IFT140: variants seen among roughly 807,000 people sequenced by gnomAD.
The protein encoded by IFT140 is intraflagellar transport protein 140 homolog.
A neutral mutation model predicts 164.6 loss-of-function variants in IFT140; 133 were observed. That is an observed-to-expected ratio of 0.81 (90% CI 0.70 to 0.93). IFT140 has a LOEUF of 0.93. IFT140 is among the 40% of genes least tolerant of loss of function. The probability of loss-of-function intolerance (pLI) is 0.00; values close to 1 mark genes in which losing one functional copy is unlikely to be tolerated. For missense variants in IFT140, 2,045 were observed against 1,972.3 expected (o/e 1.04, Z -0.70); for synonymous variants, 860 against 817.3 (o/e 1.05, Z -0.89).
chr16:1,553,993 C>G lies in IFT140; in HGVS notation c.2399+3942G>C, dbSNP rs748659287. Reference sequence around the variant, plus strand: ...CTAACTAGACGGGAACAAGCTGCGCCAACCAAGGGTTGCTCACGGCCCACC... The same window carrying G: ...CTAACTAGACGGGAACAAGCTGCGCGAACCAAGGGTTGCTCACGGCCCACC... On this transcript the variant is annotated intron_variant, in intron 19 of 30. Transcript: ENST00000426508. This position sits in a 1 kb window ranked among gnomAD's most constrained non-coding sequence, Gnocchi z 4.4. 3.1e-6 allele frequency: 4 copies of G among 1,287,236 alleles called. No individual in the cohort carries two copies. In the South Asian group the frequency reaches 4.9e-5, roughly 16 times the overall value. 79.7% of individuals were successfully genotyped at this position (1,287,236 alleles called of 1,614,324 possible).
chr16:1,520,779 C>A lies in IFT140; in HGVS notation c.3483G>T (p.Gly1161=). 6.2e-7 allele frequency: 1 copy of A among 1,606,338 alleles called. No homozygotes were observed. Among genetic ancestry groups the A allele is most frequent in the Non-Finnish European group, 8.5e-7 (1 of 1,179,950 alleles). ...KYQEALQLCL[G]QNMSITEEMA... is the part of the protein sequence containing the mutation. Reference sequence around the variant, plus strand: ...TCTCCTCGGTGATGCTCATGTTCTGCCCCAGGCACAGCTGCAGGGCTTCCT... The same window carrying A: ...TCTCCTCGGTGATGCTCATGTTCTGACCCAGGCACAGCTGCAGGGCTTCCT... The change falls in exon 27 of 31, where the codon GGG becomes GGT. Residue 1161 remains glycine, a synonymous_variant. Coordinates refer to ENST00000426508, the MANE Select transcript of IFT140 (RefSeq NM_014714.4).
chr16:1,598,332 C>T (rs2035567869), intron 4 of IFT140, among the ~76,000 whole-genome samples: 1 of 152,072 alleles, frequency 6.6e-6, no homozygotes, highest in Admixed American at 6.5e-5. Context: ...GTGGCGGGCA[C>T]CTGTAGTCCC....
At chr16:1,574,100 T>G (rs756318082) in intron 13 of IFT140, among the ~76,000 whole-genome samples, 12 of 152,114 alleles carry the variant, frequency 7.9e-5, no homozygotes, top group Non-Finnish European at 1.5e-4. Context: ...TCAATGGCAT[T>G]TCCATCAACC....
At chr16:1,611,490 C>CAAA (rs150781872) in intron 1 of IFT140, among the ~76,000 whole-genome samples, 18 of 86,822 alleles carry the variant, frequency 2.1e-4, no homozygotes, top group African/African-American at 7.3e-4. Context: ...CAGAGCGAGT[C>CAAA]AAAAAAAAAA....
At chr16:1,537,453 G>A (rs2031191013) in intron 19 of IFT140, among the ~76,000 whole-genome samples, 1 of 152,264 alleles carries the variant, frequency 6.6e-6, no homozygotes, top group African/African-American at 2.4e-5. Context: ...CCTGAACTCT[G>A]GTCAGGGCAA....
At chr16:1,516,032 C>A (rs1389795335) in intron 30 of IFT140, among the ~76,000 whole-genome samples, 2 of 151,170 alleles carry the variant, frequency 1.3e-5, no homozygotes, top group African/African-American at 4.9e-5. Context: ...CCCAGCTACT[C>A]CGGAGGCTGA....
At chr16:1,585,348 T>C (rs2034811736) in intron 10 of IFT140, among the ~76,000 whole-genome samples, 1 of 152,150 alleles carries the variant, frequency 6.6e-6, no homozygotes, top group African/African-American at 2.4e-5. Flanking sequence ...TCCATTTCCA[T>C]GAAACATCCA....
intron 30 of IFT140, among the ~76,000 whole-genome samples, chr16:1,511,445 A>G (rs2667688): frequency 0.39 from 58,951 of 152,182 alleles, 14,736 homozygotes; most frequent in African/African-American, 0.71. Context: ...AGCTGTGCAC[A>G]GGCCTGCTCA....
At chr16:1,527,703 C>G (rs1286607168) in intron 19 of IFT140, among the ~76,000 whole-genome samples, 1 of 152,226 alleles carries the variant, frequency 6.6e-6, no homozygotes, top group Non-Finnish European at 1.5e-5. Context: ...TCCCAAATAG[C>G]TGGGACCACA....
Position 1,595,079 on chromosome 16 carries a change from A to G in IFT140, c.370-2491T>C, listed in dbSNP as rs186679412. On this transcript the variant is annotated intron_variant, in intron 4 of 30. Transcript: ENST00000426508. ...GGCGGGCGGATCACAAGGTCAGGAG[A>G]TGGAGACCCTCCTGGCTAACACGGT... 3.2e-3 allele frequency among the ~76,000 whole-genome samples: 473 copies of G among 147,662 alleles called. 3 individuals are homozygous for G. Among genetic ancestry groups the G allele is most frequent in the Non-Finnish European group, 5.0e-3 (335 of 66,646 alleles).
At chr16:1,544,235 G>A (rs1046911015) in intron 19 of IFT140, among the ~76,000 whole-genome samples, 2 of 150,156 alleles carry the variant, frequency 1.3e-5, no homozygotes, top group Admixed American at 1.3e-4. Flanking sequence ...CCAGGCTGGA[G>A]TGCCGTGGCA....
At chr16:1,589,498 G>C in intron 7 of IFT140, 107 bp downstream of exon 7, 1 of 1,152,726 alleles carries the variant, frequency 8.7e-7, no homozygotes, top group Non-Finnish European at 1.3e-6. Context: ...TCAGTTGATA[G>C]GCTTTTTTTC....
intron 19 of IFT140, among the ~76,000 whole-genome samples, chr16:1,539,957 C>G (rs771468491): frequency 6.6e-6 from 1 of 152,190 alleles, no homozygotes; most frequent in South Asian, 2.1e-4. Context: ...CAGGCCGGAG[C>G]GGGCACAGTG....
At chr16:1,611,825 A>AAAAG (rs1234645378) in intron 1 of IFT140, 143 bp downstream of exon 1, 1 of 152,098 alleles carries the variant, frequency 6.6e-6, no homozygotes, top group Non-Finnish European at 1.5e-5. Context: ...AAAAAAAAAA[A>AAAAG]AAAGAAAGAA....
At chr16:1,545,632 G>A (rs867447633) in intron 19 of IFT140, among the ~76,000 whole-genome samples, 13 of 152,174 alleles carry the variant, frequency 8.5e-5, no homozygotes, top group African/African-American at 2.7e-4. Flanking sequence ...AGTGAACCTC[G>A]ATCCCAGGGC....
At chr16:1,570,547 A>C (rs910674688) in intron 14 of IFT140, among the ~76,000 whole-genome samples, 15 of 151,564 alleles carry the variant, frequency 9.9e-5, no homozygotes, top group African/African-American at 3.6e-4. Context: ...GCTCATCCCA[A>C]CCCCTGTGGG....
At chr16:1,592,423 G>T in intron 5 of IFT140, 44 bp downstream of exon 5, 1 of 1,611,736 alleles carries the variant, frequency 6.2e-7, no homozygotes, top group Non-Finnish European at 8.5e-7. Context: ...CACCTCCCCC[G>T]ATGTAAACAC....
chr16:1,542,686 C>T (rs1198508004), intron 19 of IFT140, among the ~76,000 whole-genome samples: 1 of 152,262 alleles, frequency 6.6e-6, no homozygotes, highest in Non-Finnish European at 1.5e-5. Context: ...CCTGAGCCGA[C>T]AGTGAGGTGC....
rs2034361643 is a variant in IFT140, at chr16:1,577,958, AG to A, written c.1524+2800del. Reference sequence around the variant, plus strand: ...TAGGTAAAAAGACGGAGGGGTGGGCAGGGATGGCAGCAACAAGTGTGCTTGC... The same window carrying A: ...TAGGTAAAAAGACGGAGGGGTGGGCAGGATGGCAGCAACAAGTGTGCTTGC... On this transcript the variant is annotated intron_variant, in intron 13 of 30. Coordinates refer to ENST00000426508, the MANE Select transcript of IFT140 (RefSeq NM_014714.4). 2.7e-5 allele frequency: 4 copies of A among 146,924 alleles called. No individual in the cohort carries two copies. The South Asian group carries it at 8.4e-4, about 31-fold the overall frequency. 9.1% of individuals were successfully genotyped at this position (146,924 alleles called of 1,614,324 possible). A position where few individuals can be genotyped will look rare whatever the true frequency, so the allele number is the denominator to read the frequency against.
Sources: allele counts gnomAD v4.1 joint callset (sites outside exome capture counted in the v4.1 genomes callset), GRCh38; gene constraint gnomAD v4.1.1; non-coding constraint Gnocchi (gnomAD v3.1); transcripts MANE v1.5; gene names NCBI Gene and HGNC (gene_info 2026-07-23, HGNC 2026-07-21).